The following PRH1 variants were observed in gnomAD, a reference collection of about 807,000 sequenced individuals.
The protein encoded by PRH1 is proline rich protein HaeIII subfamily 1, also known as salivary acidic proline-rich phosphoprotein 1/2.
In PRH1, 7 loss-of-function variants were observed where a neutral mutation model predicts 7.9. The ratio of observed to expected loss-of-function variants is 0.89; its 90% CI spans 0.50 to 1.67. PRH1 has a LOEUF of 1.67. PRH1 is among the 40% of genes most tolerant of loss of function. PRH1 has a pLI of 0.00. For synonymous variants in PRH1, 45 were observed against 80.8 expected (o/e 0.56, Z 2.38); for missense variants, 109 against 223.6 (o/e 0.49, Z 3.27).
At chr12:10,934,807 T>G (rs1160725112) in intron 2 of PRH1, among the ~76,000 whole-genome samples, 1 of 152,134 alleles carries the variant, frequency 6.6e-6, no homozygotes, top group Non-Finnish European at 1.5e-5. Context: ...AAAAACTGAA[T>G]TCTCATTGTT....
chr12:11,085,546 T>C lies in PRH1; in HGVS notation n.124-38358A>G, dbSNP rs1389358501. On this transcript the variant is annotated intron_variant and non_coding_transcript_variant, in intron 1 of 4. Coordinates refer to the PRH1 transcript ENST00000541977. Reference sequence around the variant, plus strand: ...TACCTGATTTCTGATTGTGCAGTAATGTTCTGGTTCCTTTTAAATTCTCTG... The same window carrying C: ...TACCTGATTTCTGATTGTGCAGTAACGTTCTGGTTCCTTTTAAATTCTCTG... Among the ~76,000 whole-genome samples, 4 of 116,806 alleles carry C rather than the reference T, an allele frequency of 3.4e-5. 1 individual carries two copies. The highest frequency in any genetic ancestry group is 1.2e-4 in the African/African-American group (4 of 34,776). 76.6% of individuals were successfully genotyped at this position (116,806 alleles called of 152,430 possible).
rs34742610 is a variant in PRH1, at chr12:11,094,299, CAAAAAAAAA to C, written n.124-47120_124-47112del. On this transcript the variant is annotated intron_variant and non_coding_transcript_variant, in intron 1 of 4. Transcript: ENST00000541977. ...CCTGAGTGACAGACCAAGACTCTGT[CAAAAAAAAA>C]AAAAAAAAAAAAAAAAACCCGACGT... 3.1e-3 allele frequency among the ~76,000 whole-genome samples: 83 copies of C among 27,018 alleles called. 7 individuals carry two copies. In the East Asian group the frequency reaches 0.036, roughly 12 times the overall value. The allele number at this position is 27,018 out of a possible 152,430, so 17.7% of individuals were successfully genotyped here.
At chr12:11,047,993 T>C (rs911248994), upstream of PRH1, among the ~76,000 whole-genome samples, 6 of 152,236 alleles carry the variant, frequency 3.9e-5, no homozygotes, top group African/African-American at 1.4e-4. Flanking sequence ...AAGTTCCTAA[T>C]TATAAATAGA....
At chr12:11,130,545 A>G (rs1946308784) in intron 1 of PRH1, among the ~76,000 whole-genome samples, 2 of 152,232 alleles carry the variant, frequency 1.3e-5, no homozygotes, top group Admixed American at 1.3e-4. Flanking sequence ...GCTCTACAGA[A>G]GATATAGGCT....
intron 1 of PRH1, chr12:10,996,780 T>C (rs1940265281): frequency 9.0e-6 from 4 of 444,730 alleles, no homozygotes; most frequent in African/African-American, 6.1e-5. Flanking sequence ...GTATATTATA[T>C]ATATATACTT....
intron 1 of PRH1, among the ~76,000 whole-genome samples, chr12:11,126,149 G>A (rs776701909): frequency 1.1e-4 from 17 of 152,228 alleles, no homozygotes; most frequent in Non-Finnish European, 2.1e-4. Context: ...ACCACATCTT[G>A]GTCATGAAGT....
At chr12:10,931,635 C>T (rs1192369070) in intron 2 of PRH1, among the ~76,000 whole-genome samples, 1 of 152,148 alleles carries the variant, frequency 6.6e-6, no homozygotes, top group Non-Finnish European at 1.5e-5. Flanking sequence ...CTACCCTTAC[C>T]AAAACTCCCA....
intron 2 of PRH1, among the ~76,000 whole-genome samples, chr12:10,969,604 C>G (rs1938693440): frequency 6.6e-6 from 1 of 152,078 alleles, no homozygotes; most frequent in Admixed American, 6.5e-5. Context: ...GCAAACATGT[C>G]TTCCAGCAAA....
At chr12:10,916,794 T>C (rs541162444) in intron 2 of PRH1, among the ~76,000 whole-genome samples, 11 of 152,016 alleles carry the variant, frequency 7.2e-5, no homozygotes, top group Non-Finnish European at 1.3e-4. Context: ...ACACCTCTAA[T>C]CCCAGCATTT....
intron 1 of PRH1, among the ~76,000 whole-genome samples, chr12:11,144,439 G>A (rs1946804646): frequency 6.6e-6 from 1 of 152,150 alleles, no homozygotes; most frequent in South Asian, 2.1e-4. Flanking sequence ...CTCCCACCAT[G>A]CCCCTCCCAG....
At chr12:10,979,998 T>A (rs577433771) in intron 1 of PRH1, among the ~76,000 whole-genome samples, 1 of 152,144 alleles carries the variant, frequency 6.6e-6, no homozygotes, top group Non-Finnish European at 1.5e-5. Flanking sequence ...AATGAAGATG[T>A]CAAATATGCT....
chr12:10,943,647 T>C (rs1276796231), intron 2 of PRH1, among the ~76,000 whole-genome samples: 3 of 152,166 alleles, frequency 2.0e-5, no homozygotes, highest in Admixed American at 2.0e-4. Flanking sequence ...TCTTTGCTCA[T>C]TCCTAGGTCC....
At chr12:11,090,021 T>C (rs1944826371) in intron 1 of PRH1, among the ~76,000 whole-genome samples, 1 of 117,126 alleles carries the variant, frequency 8.5e-6, no homozygotes, top group Non-Finnish European at 2.0e-5. Flanking sequence ...TCCTTTTCAT[T>C]GGTTTACCAC....
intron 1 of PRH1, among the ~76,000 whole-genome samples, chr12:11,005,721 A>G (rs184810389): frequency 7.4e-4 from 113 of 152,244 alleles, no homozygotes; most frequent in African/African-American, 2.7e-3. Context: ...CAAGTCGTCC[A>G]GGTTGAAATA....
At chr12:11,163,038 A>G (rs761598446) in intron 1 of PRH1, among the ~76,000 whole-genome samples, 13 of 152,216 alleles carry the variant, frequency 8.5e-5, no homozygotes, top group Non-Finnish European at 1.8e-4. Flanking sequence ...TGTGTGTAGT[A>G]TGTTCTATAT....
chr12:11,171,122 C>G (rs1947822839), intron 1 of PRH1: 1 of 391,464 alleles, frequency 2.6e-6, no homozygotes, highest in Non-Finnish European at 4.5e-6. Context: ...CACCTACCAT[C>G]AGTTGAGCTC....
intron 2 of PRH1, among the ~76,000 whole-genome samples, chr12:10,923,250 T>A (rs939685172): frequency 4.0e-5 from 6 of 151,764 alleles, no homozygotes; most frequent in Non-Finnish European, 8.8e-5. Context: ...CTCAGTCTCC[T>A]GAGTAGCTGG....
At chr12:11,045,239 A>G (rs1458393082) in intron 1 of PRH1, among the ~76,000 whole-genome samples, 3 of 151,876 alleles carry the variant, frequency 2.0e-5, no homozygotes, top group African/African-American at 7.3e-5. Flanking sequence ...GCATGGACAT[A>G]GAGAGTACAT....
chr12:11,034,103 C>CT (rs1942338935), intron 1 of PRH1, among the ~76,000 whole-genome samples: 1 of 58,078 alleles, frequency 1.7e-5, no homozygotes, highest in Admixed American at 1.9e-4. Context: ...CTACTTTGAA[C>CT]GCTGTATAGG....
Sources: gnomAD v4.1 joint callset for allele counts (sites outside exome capture counted in the v4.1 genomes callset) on GRCh38, gnomAD v4.1.1 for gene constraint, MANE v1.5 for transcripts, NCBI Gene and HGNC (gene_info 2026-07-23, HGNC 2026-07-21) for gene names.